The following SUGCT variants were observed in gnomAD, a reference collection of about 807,000 sequenced individuals.
SUGCT encodes succinyl-CoA:glutarate-CoA transferase, also known as succinyl-CoA:glutarate CoA-transferase.
Under a neutral mutation model 55.0 loss-of-function variants are expected in SUGCT, and 41 were observed. That is an observed-to-expected ratio of 0.74 (90% CI 0.58 to 0.97). The LOEUF is 0.97. Ranked by LOEUF, SUGCT falls within the 50% of genes least tolerant of loss-of-function variation. The probability of loss-of-function intolerance (pLI) is 0.00; values close to 1 mark genes in which losing one functional copy is unlikely to be tolerated. For missense variants in SUGCT, 568 were observed against 547.8 expected, an observed-to-expected ratio of 1.04 and a Z score of -0.37; for synonymous variants, 187 against 200.4, an observed-to-expected ratio of 0.93 and a Z score of 0.56.
intron 9 of SUGCT, among the ~76,000 whole-genome samples, chr7:40,321,267 G>C (rs1227588113): frequency 6.6e-6 from 1 of 151,962 alleles, no homozygotes; most frequent in Admixed American, 6.6e-5. Context: ...AGTAGAGACA[G>C]GGTTTTGCCA....
chr7:40,366,660 A>G (rs559476793), intron 9 of SUGCT, among the ~76,000 whole-genome samples: 1 of 152,324 alleles, frequency 6.6e-6, no homozygotes, highest in African/African-American at 2.4e-5. Context: ...AGACACATGA[A>G]AAAATGCTCA....
intron 12 of SUGCT, among the ~76,000 whole-genome samples, chr7:40,698,889 C>T (rs1429215777): frequency 1.3e-5 from 2 of 152,156 alleles, no homozygotes; most frequent in Non-Finnish European, 2.9e-5. Flanking sequence ...CTGACATTCC[C>T]AGATCATTCC....
intron 8 of SUGCT, among the ~76,000 whole-genome samples, chr7:40,288,949 A>G (rs1793534011): frequency 1.3e-5 from 2 of 152,164 alleles, no homozygotes; most frequent in East Asian, 3.9e-4. Flanking sequence ...GAATGGGCTG[A>G]TGCTTTGAAA....
At chr7:40,983,912 A>C in the SUGCT span, among the ~76,000 whole-genome samples, 1 of 152,180 alleles carries the variant, frequency 6.6e-6, no homozygotes, top group African/African-American at 2.4e-5. Context: ...AAACAAAAAA[A>C]GAATTGGTTG....
chr7:40,313,915 T>C lies in SUGCT; in HGVS notation c.721-2845T>C, dbSNP rs564923212. On this transcript the variant is annotated intron_variant, in intron 8 of 13. Coordinates refer to ENST00000335693, the MANE Select transcript of SUGCT (RefSeq NM_001193313.2). ...CCCACACTTTGTTTTTTCATGGCAA[T>C]TGGCTTAAAATTTTATTTAATCCTT... Among the ~76,000 whole-genome samples, 3 of 152,278 alleles carry C rather than the reference T, an allele frequency of 2.0e-5. No homozygotes were observed. The South Asian group carries it at 6.2e-4, about 32-fold the overall frequency.
intron 6 of SUGCT, among the ~76,000 whole-genome samples, chr7:40,230,701 G>A (rs1788675801): frequency 6.6e-6 from 1 of 152,210 alleles, no homozygotes; most frequent in Non-Finnish European, 1.5e-5. Flanking sequence ...GGTGGCATAT[G>A]AATGTGACTT....
intron 6 of SUGCT, among the ~76,000 whole-genome samples, chr7:40,211,416 TG>T (rs1279552519): frequency 1.3e-5 from 2 of 152,160 alleles, no homozygotes; most frequent in African/African-American, 2.4e-5. Context: ...AGTTTCCCTA[TG>T]TTGGCCAGGC....
At chr7:40,950,131 T>C in the SUGCT span, among the ~76,000 whole-genome samples, 8 of 152,214 alleles carry the variant, frequency 5.3e-5, no homozygotes, top group African/African-American at 1.9e-4. Flanking sequence ...TTCTATTTCA[T>C]TGAGCAGTGG....
chr7:40,256,826 C>T (rs951615331), intron 7 of SUGCT, among the ~76,000 whole-genome samples: 11 of 152,154 alleles, frequency 7.2e-5, no homozygotes, highest in African/African-American at 2.7e-4. Context: ...TCATTGCAAC[C>T]TCCACCTCCC....
At chr7:40,155,271 C>T (rs910405043) in intron 1 of SUGCT, among the ~76,000 whole-genome samples, 14 of 144,542 alleles carry the variant, frequency 9.7e-5, no homozygotes, top group Admixed American at 1.4e-4. Flanking sequence ...GGCAACAGGG[C>T]GAGACCCCAT....
At chr7:40,661,935 G>A (rs776943947) in intron 12 of SUGCT, among the ~76,000 whole-genome samples, 8 of 152,092 alleles carry the variant, frequency 5.3e-5, no homozygotes, top group Non-Finnish European at 1.2e-4. Flanking sequence ...TCTCTAAATT[G>A]TTCTCGCCAG....
intron 9 of SUGCT, among the ~76,000 whole-genome samples, chr7:40,400,859 T>G (rs1290365625): frequency 6.6e-6 from 1 of 152,168 alleles, no homozygotes; most frequent in Non-Finnish European, 1.5e-5. Context: ...GCCTGTACCC[T>G]AAAGGAGTGA....
At chr7:40,173,188 G>A (rs1000048621) in intron 1 of SUGCT, among the ~76,000 whole-genome samples, 26 of 152,202 alleles carry the variant, frequency 1.7e-4, no homozygotes, top group Admixed American at 1.6e-3. Flanking sequence ...GAAGAGAACC[G>A]TGGAACCCAG....
the SUGCT span, among the ~76,000 whole-genome samples, chr7:40,961,982 C>T: frequency 0.016 from 2,368 of 152,230 alleles, 27 homozygotes; most frequent in Middle Eastern, 0.041. Flanking sequence ...AACAAAGCTT[C>T]CACAATGTGG....
intron 9 of SUGCT, among the ~76,000 whole-genome samples, chr7:40,336,001 A>G: frequency 6.6e-6 from 1 of 152,168 alleles, no homozygotes; most frequent in South Asian, 2.1e-4. Flanking sequence ...ATCTATTGAG[A>G]TAGTCATGTG....
intron 10 of SUGCT, among the ~76,000 whole-genome samples, chr7:40,452,834 C>T (rs1409739271): frequency 6.6e-6 from 1 of 152,142 alleles, no homozygotes; most frequent in African/African-American, 2.4e-5. Context: ...TTCCCACTTA[C>T]CCCGAGCACG....
intron 8 of SUGCT, among the ~76,000 whole-genome samples, chr7:40,282,147 A>G (rs929727497): frequency 2.7e-5 from 4 of 150,298 alleles, no homozygotes; most frequent in African/African-American, 9.8e-5. Context: ...TACTTTCCCT[A>G]TTGTGTATTG....
intron 9 of SUGCT, among the ~76,000 whole-genome samples, chr7:40,335,646 G>A (rs11766430): frequency 0.55 from 82,921 of 151,884 alleles, 22,757 homozygotes; most frequent in South Asian, 0.65. Context: ...AGGAGATTTT[G>A]GGCTGAGACA....
intron 12 of SUGCT, among the ~76,000 whole-genome samples, chr7:40,690,419 C>A (rs533546716): frequency 2.6e-5 from 4 of 152,154 alleles, no homozygotes; most frequent in Admixed American, 2.6e-4. Context: ...CTTCCCTATG[C>A]CTAATTATGT....
Sources: allele counts gnomAD v4.1 joint callset (sites outside exome capture counted in the v4.1 genomes callset), GRCh38; gene constraint gnomAD v4.1.1; transcripts MANE v1.5; gene names NCBI Gene and HGNC (gene_info 2026-07-23, HGNC 2026-07-21).